RNF150: variants seen among roughly 807,000 people sequenced by gnomAD.
The protein encoded by RNF150 is ring finger protein 150.
RNF150 carries 24 observed loss-of-function variants against 39.3 expected under a neutral mutation model. The observed-to-expected ratio is 0.61, with a 90% CI of 0.44 to 0.86. RNF150 has a LOEUF of 0.86. RNF150 is among the 40% of genes least tolerant of loss of function. The pLI, the probability that RNF150 is intolerant of heterozygous loss-of-function variation, is 0.00. For missense variants in RNF150, 502 were observed against 587.8 expected (o/e 0.85, Z 1.51); for synonymous variants, 255 against 227.3 (o/e 1.12, Z -1.10).
chr4:140,924,669 C>G (rs1239988009), intron 5 of RNF150, among the ~76,000 whole-genome samples: 1 of 152,134 alleles, frequency 6.6e-6, no homozygotes, highest in Non-Finnish European at 1.5e-5. Context: ...TTCTAAGTCA[C>G]CAGTATCTGG....
At chr4:141,210,184 G>A (rs148834499) in intron 1 of RNF150, among the ~76,000 whole-genome samples, 3 of 152,174 alleles carry the variant, frequency 2.0e-5, no homozygotes, top group African/African-American at 4.8e-5. Flanking sequence ...ATCTTTTATT[G>A]TGATCTCTCA....
At position 140,864,791 on chromosome 4, in the gene RNF150, C is replaced by G. The variant is rs1362395827; in HGVS notation, c.*3470G>C. 1 of 152,130 alleles carries G rather than the reference C, an allele frequency of 6.6e-6. No individual in the cohort carries two copies. Among genetic ancestry groups the G allele is most frequent in the African/African-American group, 2.4e-5 (1 of 41,410 alleles). 9.4% of individuals were successfully genotyped at this position (152,130 alleles called of 1,614,324 possible). On this transcript the variant is annotated 3_prime_UTR_variant, in exon 7 of 7. Transcript: ENST00000515673. ...GAGGGGTATAATTTTGTTTCAGCAC[C>G]AAATCAGCATGGTTTGTGTGAGTTT...
At chr4:141,201,388 T>C (rs1560776829) in intron 1 of RNF150, among the ~76,000 whole-genome samples, 1 of 152,208 alleles carries the variant, frequency 6.6e-6, no homozygotes. Context: ...CCATGCCTCA[T>C]AAATCCATAG....
intron 2 of RNF150, among the ~76,000 whole-genome samples, chr4:140,961,381 T>C (rs1025583669): frequency 2.0e-5 from 3 of 152,164 alleles, no homozygotes; most frequent in Non-Finnish European, 4.4e-5. Context: ...CTCATCTGGC[T>C]AATTCAAGGT....
chr4:141,008,399 T>G (rs1182591092), intron 1 of RNF150, among the ~76,000 whole-genome samples: 1 of 152,188 alleles, frequency 6.6e-6, no homozygotes, highest in East Asian at 1.9e-4. Flanking sequence ...AATGGAGTCT[T>G]TGAATGAACA....
intron 1 of RNF150, among the ~76,000 whole-genome samples, chr4:140,990,856 T>C (rs1017521887): frequency 6.6e-6 from 1 of 152,012 alleles, no homozygotes; most frequent in Non-Finnish European, 1.5e-5. Context: ...TACCCAGTAA[T>C]GAGATTGGTG....
At chr4:141,051,179 G>C (rs974122627) in intron 1 of RNF150, among the ~76,000 whole-genome samples, 11 of 152,112 alleles carry the variant, frequency 7.2e-5, no homozygotes, top group Non-Finnish European at 2.9e-5. Flanking sequence ...GGGATGCAGA[G>C]CACCAAGTCC....
chr4:141,042,584 C>T lies in RNF150; in HGVS notation c.485-74711G>A, dbSNP rs1419628046. 4.6e-5 allele frequency among the ~76,000 whole-genome samples: 7 copies of T among 152,186 alleles called. No homozygotes were observed. In the East Asian group the frequency reaches 1.4e-3, roughly 29 times the overall value. On this transcript the variant is annotated intron_variant, in intron 1 of 6. Coordinates refer to ENST00000515673, the MANE Select transcript of RNF150 (RefSeq NM_020724.2). Reference sequence around the variant, plus strand: ...TTCACTATGCCCCTAAACAAACCAACTCCTAAAATTGCTAGGAAAACAAAA... The same window carrying T: ...TTCACTATGCCCCTAAACAAACCAATTCCTAAAATTGCTAGGAAAACAAAA...
chr4:140,982,278 A>G (rs776535917), intron 1 of RNF150, among the ~76,000 whole-genome samples: 1 of 152,104 alleles, frequency 6.6e-6, no homozygotes, highest in Non-Finnish European at 1.5e-5. Flanking sequence ...ATTCATCATC[A>G]TCACTGAACA....
chr4:140,979,031 G>T (rs565538153), intron 1 of RNF150, among the ~76,000 whole-genome samples: 2 of 152,042 alleles, frequency 1.3e-5, no homozygotes, highest in Non-Finnish European at 2.9e-5. Context: ...TGTATGCAAG[G>T]AATTGCTTCC....
At chr4:141,141,179 G>T (rs142209401) in intron 1 of RNF150, among the ~76,000 whole-genome samples, 5 of 152,228 alleles carry the variant, frequency 3.3e-5, no homozygotes, top group Admixed American at 3.3e-4. Flanking sequence ...GCCAGGTCCT[G>T]TGCTGGTTTT....
chr4:141,010,379 A>T (rs894018711), intron 1 of RNF150, among the ~76,000 whole-genome samples: 57 of 152,192 alleles, frequency 3.7e-4, no homozygotes, highest in African/African-American at 1.3e-3. Flanking sequence ...TGATTTACTC[A>T]GGTTGAAACT....
chr4:140,939,016 A>G (rs983487744), intron 4 of RNF150, among the ~76,000 whole-genome samples: 1 of 152,122 alleles, frequency 6.6e-6, no homozygotes, highest in Non-Finnish European at 1.5e-5. Context: ...AAACTAGTAG[A>G]CCATATTTGG....
At chr4:140,894,678 T>G (rs1265954788) in intron 6 of RNF150, among the ~76,000 whole-genome samples, 5 of 152,220 alleles carry the variant, frequency 3.3e-5, no homozygotes, top group Admixed American at 2.6e-4. Context: ...GAACTTGTAT[T>G]CTTAAAAAAT....
rs530274269 is a variant in RNF150 at position 140,924,477 on chromosome 4, C to T, written c.987+1500G>A. ...GAGCAGTGGGATTGGCACTTAATAT[C>T]TCTAAAAATACCCTGAACAATAGGA... On this transcript the variant is annotated intron_variant, in intron 5 of 6. Transcript: ENST00000515673. 3.5e-4 allele frequency among the ~76,000 whole-genome samples: 53 copies of T among 152,288 alleles called. No homozygotes were observed. In the South Asian group the frequency reaches 3.9e-3, roughly 11 times the overall value.
intron 1 of RNF150, among the ~76,000 whole-genome samples, chr4:141,098,133 A>G (rs915852210): frequency 3.3e-5 from 5 of 152,238 alleles, no homozygotes; most frequent in Non-Finnish European, 7.3e-5. Flanking sequence ...CCTGCCTTTG[A>G]TCACATTTTC....
chr4:140,927,991 T>A (rs1218725975), intron 4 of RNF150, among the ~76,000 whole-genome samples: 2 of 151,970 alleles, frequency 1.3e-5, no homozygotes, highest in Non-Finnish European at 2.9e-5. Context: ...CAGGTATTTC[T>A]TTATAGCAGT....
chr4:140,999,993 AAAGAAG>A lies in RNF150; in HGVS notation c.485-32126_485-32121del, dbSNP rs1169596089. ...AGAAGAAGAAAAGAAGAAAAGAAGA[AAAGAAG>A]AAGAAGAAGAAGAAGAAGAAGAAGA... is the stretch of plus-strand genomic sequence containing the variant. On this transcript the variant is annotated intron_variant, in intron 1 of 6. Coordinates refer to ENST00000515673, the MANE Select transcript of RNF150 (RefSeq NM_020724.2). 1.6e-3 allele frequency among the ~76,000 whole-genome samples: 99 copies of A among 63,310 alleles called. 2 individuals carry two copies. Among genetic ancestry groups the A allele is most frequent in the African/African-American group, 5.2e-3 (98 of 18,880 alleles). 41.5% of individuals were successfully genotyped at this position (63,310 alleles called of 152,430 possible).
chr4:140,999,975 GAAAA>G (rs1734546887), intron 1 of RNF150, among the ~76,000 whole-genome samples: 1 of 41,826 alleles, frequency 2.4e-5, no homozygotes, highest in Non-Finnish European at 5.3e-5. Context: ...AGAAGAAGAA[GAAAA>G]GAAGAAAAGA....
Sources: gnomAD v4.1 joint callset for allele counts (sites outside exome capture counted in the v4.1 genomes callset) on GRCh38, gnomAD v4.1.1 for gene constraint, MANE v1.5 for transcripts, NCBI Gene and HGNC (gene_info 2026-07-23, HGNC 2026-07-21) for gene names.